COL4A6: variants seen among roughly 807,000 people sequenced by gnomAD.
COL4A6 encodes collagen type IV alpha 6 chain, also known as collagen alpha-6(IV) chain.
In COL4A6, 59 loss-of-function variants were observed where a neutral mutation model predicts 126.7. The ratio of observed to expected loss-of-function variants is 0.47; its 90% CI spans 0.38 to 0.58. COL4A6 has a LOEUF of 0.58. Ranked by LOEUF, COL4A6 falls within the 20% of genes least tolerant of loss-of-function variation. COL4A6 has a pLI of 0.00. For missense variants in COL4A6, 1,285 were observed against 1,337.3 expected (o/e 0.96, Z 0.61); for synonymous variants, 547 against 496.6 (o/e 1.10, Z -1.35).
At chrX:108,196,465 C>A in intron 14 of COL4A6, 46 bp downstream of exon 14, 1 of 1,104,563 alleles carries the variant, frequency 9.1e-7, no homozygotes, top group Non-Finnish European at 1.2e-6. Context: ...AGAAAATGGA[C>A]TAGATGACTT....
At chrX:108,271,936 G>A (rs893935416) in intron 3 of COL4A6, among the ~76,000 whole-genome samples, 2 of 111,923 alleles carry the variant, frequency 1.8e-5, no homozygotes, top group Non-Finnish European at 3.8e-5. Flanking sequence ...AGCTGCCTTC[G>A]GGTATACACA....
rs776180429 is a variant in COL4A6 at position 108,163,001 on chromosome X, T to C, written c.4107A>G (p.Pro1369=). The C allele has an allele frequency of 3.3e-5, 39 of 1,197,608 alleles. No homozygotes were observed. The South Asian group carries it at 6.6e-4, about 20-fold the overall frequency. The part of the protein sequence containing the change: ...SGLQGDPGQT[P]TAEAVQVPPG... ...GAGGAACCTGGACAGCTTCTGCAGT[T>C]GGTGTTTGTCCAGGATCACCTTGGA... Residue 1369 remains proline, a synonymous_variant, in exon 41 of 45, where the codon CCA becomes CCG. Coordinates refer to ENST00000334504, the MANE Select transcript of COL4A6 (RefSeq NM_033641.4).
chrX:108,298,181 G>A (rs776955633), intron 3 of COL4A6, among the ~76,000 whole-genome samples: 34 of 111,592 alleles, frequency 3.0e-4, no homozygotes, highest in African/African-American at 1.0e-3. Context: ...CTTTTGTTGG[G>A]GGGAATGAGG....
intron 3 of COL4A6, among the ~76,000 whole-genome samples, chrX:108,237,863 T>C (rs1338367359): frequency 8.8e-4 from 2 of 2,262 alleles, no homozygotes; most frequent in African/African-American, 3.8e-3. Flanking sequence ...CTCTATCATC[T>C]ATCTATCTAT....
chrX:108,164,079 T>C (rs1202851688), intron 40 of COL4A6, among the ~76,000 whole-genome samples: 1 of 111,670 alleles, frequency 9.0e-6, no homozygotes, highest in Non-Finnish European at 1.9e-5. Context: ...TAAGCTCTTT[T>C]TGGCCACTAT....
chrX:108,390,462 G>A (rs1211773926), intron 2 of COL4A6, among the ~76,000 whole-genome samples: 4 of 107,832 alleles, frequency 3.7e-5, no homozygotes, highest in Middle Eastern at 4.7e-3. Flanking sequence ...TTTTCTTCTC[G>A]CTTTATTTCA....
chrX:108,348,594 A>AC (rs1192608541), intron 2 of COL4A6, among the ~76,000 whole-genome samples: 1 of 112,299 alleles, frequency 8.9e-6, no homozygotes, highest in African/African-American at 3.2e-5. Flanking sequence ...ATAAAAACAA[A>AC]CAACTTCTTT....
At chrX:108,318,713 T>G (rs1051334501) in intron 2 of COL4A6, among the ~76,000 whole-genome samples, 7 of 111,843 alleles carry the variant, frequency 6.3e-5, no homozygotes, top group African/African-American at 1.3e-4. Context: ...CACTGCTCAA[T>G]GAAATAAAAG....
chrX:108,219,624 T>C, intron 5 of COL4A6, 74 bp downstream of exon 5: 1 of 916,578 alleles, frequency 1.1e-6, no homozygotes, highest in South Asian at 2.1e-5. Context: ...AGGATGTTGC[T>C]GAGGTCAAAG....
In COL4A6 at chrX:108,221,314, T is replaced by C; in HGVS notation, c.205A>G (p.Thr69Ala). The C allele has an allele frequency of 1.7e-6, 2 of 1,211,476 alleles. No homozygotes were observed. Among genetic ancestry groups the C allele is most frequent in the Non-Finnish European group, 2.2e-6 (2 of 895,142 alleles). ...TCTCCTTTCAATCCCGATAAACCAG[T>C]AGAGCCAGTGAATCCTTGAGGACCT... is the stretch of plus-strand genomic sequence containing the variant. ...PTGPQGFTGS[T>A]GLSGLKGERG... Residue 69 changes from threonine (T) to alanine (A), a missense_variant, in exon 4 of 45, where the codon ACT becomes GCT. Physicochemically the swap from Thr to Ala is moderately conservative, Grantham distance 58 (BLOSUM62 0). Transcript: ENST00000334504.
chrX:108,373,237 T>C (rs1230957776), intron 2 of COL4A6, among the ~76,000 whole-genome samples: 1 of 111,127 alleles, frequency 9.0e-6, no homozygotes, highest in Non-Finnish European at 1.9e-5. Context: ...ACCCGATTCT[T>C]CACACAAAGG....
intron 3 of COL4A6, among the ~76,000 whole-genome samples, chrX:108,298,305 G>A (rs2038383181): frequency 8.9e-6 from 1 of 112,851 alleles, no homozygotes; most frequent in South Asian, 3.7e-4. Flanking sequence ...TTCTCCTGTC[G>A]CTCAGGGCCG....
intron 2 of COL4A6, among the ~76,000 whole-genome samples, chrX:108,334,597 TTTA>T (rs1184606480): frequency 1.8e-5 from 2 of 111,872 alleles, no homozygotes; most frequent in Non-Finnish European, 3.8e-5. Context: ...CCAGTCCTGC[TTTA>T]TTATTATAAT....
intron 18 of COL4A6, among the ~76,000 whole-genome samples, 162 bp from the exon 19 acceptor site, chrX:108,191,695 C>A (rs769650599): frequency 8.9e-6 from 1 of 112,044 alleles, no homozygotes; most frequent in African/African-American, 3.2e-5. Context: ...ATCAATTAGC[C>A]TAACCTCTTG....
chrX:108,266,027 G>A (rs2037291922), intron 3 of COL4A6, among the ~76,000 whole-genome samples: 1 of 111,837 alleles, frequency 8.9e-6, no homozygotes, highest in Admixed American at 9.5e-5. Context: ...GGCTGGGGAG[G>A]GCATCCTTGG....
chrX:108,405,178 T>G (rs1261488753), intron 2 of COL4A6, among the ~76,000 whole-genome samples: 3 of 110,613 alleles, frequency 2.7e-5, no homozygotes, highest in African/African-American at 9.9e-5. Flanking sequence ...GGGTTTTTTT[T>G]GTTTTGTTTT....
At chrX:108,337,274 A>G (rs2039454362) in intron 2 of COL4A6, among the ~76,000 whole-genome samples, 1 of 111,149 alleles carries the variant, frequency 9.0e-6, no homozygotes, top group African/African-American at 3.3e-5. Flanking sequence ...TAAGACACTC[A>G]CTCCTGGTAA....
intron 3 of COL4A6, among the ~76,000 whole-genome samples, chrX:108,285,139 G>A (rs1342161147): frequency 8.9e-6 from 1 of 111,776 alleles, no homozygotes; most frequent in African/African-American, 3.3e-5. Flanking sequence ...AATCAAATCA[G>A]ATAGGGCACA....
At chrX:108,187,382 G>T in intron 22 of COL4A6, 103 bp from the exon 23 acceptor site, 2 of 686,470 alleles carry the variant, frequency 2.9e-6, no homozygotes, top group Non-Finnish European at 2.0e-6. Context: ...AATGCTTTGT[G>T]TTTTGTTAAA....
Sources: gnomAD v4.1 joint callset for allele counts (sites outside exome capture counted in the v4.1 genomes callset) on GRCh38, gnomAD v4.1.1 for gene constraint, MANE v1.5 for transcripts, NCBI Gene and HGNC (gene_info 2026-07-23, HGNC 2026-07-21) for gene names.